Variants in KIAA1217 observed in about 807,000 individuals in gnomAD.
KIAA1217 encodes the protein KIAA1217, also known as sickle tail protein homolog.
A neutral mutation model predicts 163.9 loss-of-function variants in KIAA1217; 88 were observed. The observed-to-expected ratio is 0.54, with a 90% CI of 0.45 to 0.64. The LOEUF (loss-of-function observed/expected upper bound fraction) is 0.64. Ranked by LOEUF, KIAA1217 falls within the 30% of genes least tolerant of loss-of-function variation. KIAA1217 has a pLI of 0.00. For synonymous variants in KIAA1217, 903 were observed against 923.1 expected (o/e 0.98, Z 0.39); for missense variants, 2,372 against 2,475.0 (o/e 0.96, Z 0.88).
intron 2 of KIAA1217, among the ~76,000 whole-genome samples, chr10:24,276,178 G>T (rs2077264652): frequency 6.6e-6 from 1 of 152,154 alleles, no homozygotes. Context: ...CATTTTACGT[G>T]TTATTATTCT....
intron 2 of KIAA1217, among the ~76,000 whole-genome samples, chr10:24,320,326 A>T (rs913136668): frequency 3.3e-5 from 5 of 152,374 alleles, no homozygotes; most frequent in Admixed American, 3.3e-4. Flanking sequence ...GGCTAATCAC[A>T]AATATAACTT....
intron 2 of KIAA1217, among the ~76,000 whole-genome samples, chr10:24,154,426 A>G (rs1564764633): frequency 6.6e-6 from 1 of 151,638 alleles, no homozygotes; most frequent in African/African-American, 2.4e-5. Context: ...GACTCTATCT[A>G]CAAGAAAATA....
chr10:24,203,072 C>T (rs1238107968), intron 2 of KIAA1217, among the ~76,000 whole-genome samples: 1 of 151,658 alleles, frequency 6.6e-6, no homozygotes. Context: ...TGCCTGTAGT[C>T]CCAGCTACTT....
intron 10 of KIAA1217, among the ~76,000 whole-genome samples, chr10:24,515,194 A>G (rs2069882817): frequency 6.6e-6 from 1 of 151,482 alleles, no homozygotes; most frequent in Admixed American, 6.6e-5. Flanking sequence ...CAGCCTCCCG[A>G]GTAGCTGGGA....
At chr10:24,311,521 T>C (rs2042693765) in intron 2 of KIAA1217, among the ~76,000 whole-genome samples, 1 of 152,230 alleles carries the variant, frequency 6.6e-6, no homozygotes, top group South Asian at 2.1e-4. Context: ...CAAGGAGTAA[T>C]GACCGAGCAG....
chr10:23,814,396 T>C (rs1449244862), intron 1 of KIAA1217, among the ~76,000 whole-genome samples: 1 of 152,148 alleles, frequency 6.6e-6, no homozygotes, highest in African/African-American at 2.4e-5. Flanking sequence ...GGCTGAGTGA[T>C]CTTGGGTCTG....
chr10:24,328,027 T>C (rs2045156849), intron 2 of KIAA1217, among the ~76,000 whole-genome samples: 1 of 152,160 alleles, frequency 6.6e-6, no homozygotes, highest in Non-Finnish European at 1.5e-5. Context: ...TGTAACTCCC[T>C]GATTGGGACC....
At chr10:24,390,490 A>AAGGC (rs1377405495) in intron 3 of KIAA1217, among the ~76,000 whole-genome samples, 1,796 of 141,952 alleles carry the variant, frequency 0.013, 114 homozygotes, top group African/African-American at 0.044. Context: ...GGAAGGAAGG[A>AAGGC]AGGAAGGAAG....
At chr10:24,496,433 T>C (rs930439102) in intron 8 of KIAA1217, among the ~76,000 whole-genome samples, 1 of 152,260 alleles carries the variant, frequency 6.6e-6, no homozygotes, top group Non-Finnish European at 1.5e-5. Flanking sequence ...GAAAGGAAAC[T>C]ACTAAATACT....
At chr10:24,218,724 C>T (rs1589989046) in intron 1 of KIAA1217, among the ~76,000 whole-genome samples, 1 of 152,036 alleles carries the variant, frequency 6.6e-6, no homozygotes, top group Non-Finnish European at 1.5e-5. Context: ...CTCCTGACCT[C>T]GTGATTCACC....
At chr10:24,309,766 T>C (rs1397606679) in intron 2 of KIAA1217, among the ~76,000 whole-genome samples, 2 of 152,152 alleles carry the variant, frequency 1.3e-5, no homozygotes, top group East Asian at 3.9e-4. Context: ...ATGAAGGCAG[T>C]TAATGCAGGT....
At chr10:24,113,707 A>G (rs189996341) in intron 2 of KIAA1217, among the ~76,000 whole-genome samples, 2 of 152,320 alleles carry the variant, frequency 1.3e-5, no homozygotes, top group Non-Finnish European at 2.9e-5. Flanking sequence ...CTGCTGTCCC[A>G]GATGTCCACT....
chr10:24,226,678 A>G (rs1432072814), intron 2 of KIAA1217, among the ~76,000 whole-genome samples: 1 of 151,832 alleles, frequency 6.6e-6, no homozygotes, highest in East Asian at 1.9e-4. Context: ...ATAAAGGCAA[A>G]TCTTACTCCA....
intron 1 of KIAA1217, among the ~76,000 whole-genome samples, chr10:23,780,439 T>C (rs1436184947): frequency 1.3e-5 from 2 of 152,094 alleles, no homozygotes; most frequent in African/African-American, 2.4e-5. Flanking sequence ...TTTAGTCACC[T>C]TTTGTTTGTT....
chr10:24,496,636 G>A (rs530282649), intron 8 of KIAA1217, among the ~76,000 whole-genome samples: 11 of 152,288 alleles, frequency 7.2e-5, no homozygotes, highest in South Asian at 6.2e-4. Context: ...ACTCCTTACC[G>A]CAGCATCTAG....
intron 2 of KIAA1217, among the ~76,000 whole-genome samples, chr10:24,289,430 G>A (rs1365016168): frequency 2.0e-5 from 3 of 152,140 alleles, no homozygotes; most frequent in African/African-American, 7.2e-5. Context: ...TTTAATAGGG[G>A]AAAGAGGAGG....
chr10:24,275,536 G>A (rs1310645712), intron 2 of KIAA1217: 1 of 412,880 alleles, frequency 2.4e-6, no homozygotes, highest in African/African-American at 2.1e-5. Flanking sequence ...ACATTTGGGA[G>A]TATTAATTTG....
intron 1 of KIAA1217, among the ~76,000 whole-genome samples, chr10:23,848,206 G>A (rs1839134231): frequency 6.6e-6 from 1 of 152,036 alleles, no homozygotes; most frequent in Non-Finnish European, 1.5e-5. Flanking sequence ...GGGATGGACG[G>A]TTCCATAGAT....
intron 1 of KIAA1217, among the ~76,000 whole-genome samples, chr10:23,733,810 T>A (rs557302996): frequency 6.6e-6 from 1 of 152,216 alleles, no homozygotes; most frequent in East Asian, 1.9e-4. Flanking sequence ...TAATTTGCAG[T>A]AACTTACTGC....
Sources: gnomAD v4.1 joint callset for allele counts (sites outside exome capture counted in the v4.1 genomes callset) on GRCh38, gnomAD v4.1.1 for gene constraint, MANE v1.5 for transcripts, NCBI Gene and HGNC (gene_info 2026-07-23, HGNC 2026-07-21) for gene names.